The following NUP210 variants were observed in gnomAD, a reference collection of about 807,000 sequenced individuals.
NUP210 encodes the protein nucleoporin 210.
NUP210 carries 151 observed loss-of-function variants against 196.0 expected under a neutral mutation model. The ratio of observed to expected loss-of-function variants is 0.77; its 90% CI spans 0.67 to 0.88. The LOEUF (loss-of-function observed/expected upper bound fraction) is 0.88. NUP210 is among the 40% of genes least tolerant of loss of function. NUP210 has a pLI of 0.00. For missense variants in NUP210, 2,314 were observed against 2,493.7 expected, an observed-to-expected ratio of 0.93 and a Z score of 1.53; for synonymous variants, 1,070 against 1,052.7, an observed-to-expected ratio of 1.02 and a Z score of -0.32.
intron 4 of NUP210, among the ~76,000 whole-genome samples, chr3:13,390,151 A>G (rs970813425): frequency 6.6e-6 from 1 of 152,186 alleles, no homozygotes; most frequent in Non-Finnish European, 1.5e-5. Context: ...TCCTAGTGCC[A>G]TGACTGCATG....
At chr3:13,389,349 G>T (rs573355158) in intron 4 of NUP210, among the ~76,000 whole-genome samples, 19 of 152,340 alleles carry the variant, frequency 1.2e-4, no homozygotes, top group African/African-American at 4.6e-4. Context: ...CATCCAGCGT[G>T]TGCCAGGCCC....
rs1298359918 is a variant in NUP210, at chr3:13,340,288, G to A, written c.3239C>T (p.Pro1080Leu). The A allele has an allele frequency of 6.2e-6, 10 of 1,613,258 alleles. No homozygotes were observed. Among genetic ancestry groups the A allele is most frequent in the Middle Eastern group, 1.6e-4 (1 of 6,084 alleles). Reference protein sequence around the residue: ...SAPQQIEVFPPFRLMPRKVTL... With the variant: ...SAPQQIEVFPLFRLMPRKVTL... ...CACCTTCCTGGGCATCAGCCTGAAC[G>A]GGGGAAAGACCTGTTGAGAGACACA... The change falls in exon 24 of 40, where the codon CCG (proline) becomes CTG (leucine). Residue 1080 changes from proline to leucine, a missense_variant. By Grantham distance (98) the Pro-to-Leu change is moderately conservative. Coordinates refer to ENST00000254508, the MANE Select transcript of NUP210 (RefSeq NM_024923.4). This position sits in a 1 kb window ranked among gnomAD's most constrained non-coding sequence, Gnocchi z 4.0.
intron 20 of NUP210, 39 bp from the exon 21 acceptor site, chr3:13,343,342 G>GCCC: frequency 3.0e-6 from 2 of 655,988 alleles, no homozygotes; most frequent in Non-Finnish European, 5.0e-6. Flanking sequence ...TGGGTGGTGG[G>GCCC]TTACGCAGCT....
At chr3:13,321,871 C>A (rs1166634610) in intron 35 of NUP210, 36 bp from the exon 36 acceptor site, 9 of 1,590,100 alleles carry the variant, frequency 5.7e-6, no homozygotes, top group Non-Finnish European at 7.7e-6. Flanking sequence ...TGTCCCCTCT[C>A]CTGCCCGTGC....
In NUP210 at chr3:13,348,708, C is replaced by A; in HGVS notation, c.2835+3171G>T. The A allele has an allele frequency of 1.0e-6, 1 of 985,386 alleles. No individual in the cohort carries two copies. The highest frequency in any genetic ancestry group is 1.2e-6 in the Non-Finnish European group (1 of 829,926). 61.0% of individuals were successfully genotyped at this position (985,386 alleles called of 1,614,324 possible). On this transcript the variant is annotated intron_variant, in intron 20 of 39. Transcript: ENST00000254508. The surrounding 1 kb of genome is among the most constrained non-coding windows in gnomAD (Gnocchi z 4.0). ...CAGTGTCCTCCAACCACAAGCATGTCCCCAGCTGCTGAGGGCGTCCTGCCA... is the reference window on the plus strand; with the variant it reads ...CAGTGTCCTCCAACCACAAGCATGTACCCAGCTGCTGAGGGCGTCCTGCCA...
chr3:13,384,023 C>T lies in NUP210; in HGVS notation c.817+2252G>A, dbSNP rs894683599. Among the ~76,000 whole-genome samples the T allele has an allele frequency of 5.3e-5, 8 of 152,134 alleles. No homozygotes were observed. In the East Asian group the frequency reaches 7.7e-4, roughly 15 times the overall value. On this transcript the variant is annotated intron_variant, in intron 6 of 39. Coordinates refer to ENST00000254508, the MANE Select transcript of NUP210 (RefSeq NM_024923.4). ...TGTCACCCAGGCTGGAGTGCAATGG[C>T]GCAATCTCGGCTCACTGCAACCTCC...
At chr3:13,419,917 G>T (rs1218629862) in intron 1 of NUP210, 143 bp downstream of exon 1, 3 of 368,916 alleles carry the variant, frequency 8.1e-6, no homozygotes, top group Non-Finnish European at 7.8e-6. Context: ...CGCACCCGCC[G>T]CTCCGAGTGC....
In NUP210 at chr3:13,320,022, G is replaced by C. The variant is rs545892408; in HGVS notation, c.5167-43C>G. 23 of 1,573,842 alleles carry C rather than the reference G, an allele frequency of 1.5e-5. No homozygotes were observed. The South Asian group carries it at 2.2e-4, about 15-fold the overall frequency. ...GCTGGGGGTGCACATTCTGCAGAGT[G>C]GGGGGACCACTGAGCGGGGCCTCAG... On this transcript the variant is annotated intron_variant, in intron 36 of 39. Coordinates refer to ENST00000254508, the MANE Select transcript of NUP210 (RefSeq NM_024923.4).
At chr3:13,365,269 T>C (rs935257093) in intron 14 of NUP210, among the ~76,000 whole-genome samples, 1 of 152,158 alleles carries the variant, frequency 6.6e-6, no homozygotes, top group Non-Finnish European at 1.5e-5. Flanking sequence ...GCTCATTCCA[T>C]TTGTGAGCTC....
rs1231875637 is a variant in NUP210 at position 13,337,755 on chromosome 3, G to A, written c.3552+82C>T. The stretch of plus-strand genomic sequence containing the variant: ...CCCGGGCCAGGCAGATGGAGGAGGT[G>A]GAGAAGCACTCTAACTTGAGGACAG... On this transcript the variant is annotated intron_variant, in intron 26 of 39. Transcript: ENST00000254508. The A allele has an allele frequency of 1.2e-5, 15 of 1,297,520 alleles. No homozygotes were observed. The Admixed American group carries it at 2.4e-4, about 21-fold the overall frequency. 80.4% of individuals were successfully genotyped at this position (1,297,520 alleles called of 1,614,324 possible).
chr3:13,383,636 T>C (rs1699174297), intron 6 of NUP210, among the ~76,000 whole-genome samples: 2 of 149,734 alleles, frequency 1.3e-5, no homozygotes, highest in South Asian at 4.3e-4. Context: ...GCAATTCTCC[T>C]GCCTCAGCCT....
intron 13 of NUP210, among the ~76,000 whole-genome samples, chr3:13,370,612 C>G (rs1236355366): frequency 6.6e-6 from 1 of 152,228 alleles, no homozygotes; most frequent in Non-Finnish European, 1.5e-5. Context: ...GCGGGCCTCT[C>G]CCACGTGCAA....
At chr3:13,321,486 G>A (rs901961552) in intron 36 of NUP210, 99 bp downstream of exon 36, 11 of 1,300,512 alleles carry the variant, frequency 8.5e-6, no homozygotes, top group Non-Finnish European at 1.1e-5. Flanking sequence ...ATTTTAAAGA[G>A]AGCTGGCCCA....
chr3:13,404,605 G>A (rs1484491098), intron 1 of NUP210, among the ~76,000 whole-genome samples: 1 of 152,222 alleles, frequency 6.6e-6, no homozygotes, highest in Non-Finnish European at 1.5e-5. Context: ...AAACGGGACT[G>A]GTTTAAGGCC....
At chr3:13,374,160 T>G (rs1011421999) in intron 11 of NUP210, among the ~76,000 whole-genome samples, 1 of 151,960 alleles carries the variant, frequency 6.6e-6, no homozygotes, top group Non-Finnish European at 1.5e-5. Context: ...ACTCTCATGC[T>G]CACATGCTCA....
In NUP210 at chr3:13,348,706, G is replaced by A. The variant is rs1377325365; in HGVS notation, c.2835+3173C>T. 2.0e-6 allele frequency: 2 copies of A among 985,246 alleles called. No individual in the cohort carries two copies. The highest frequency in any genetic ancestry group is 1.2e-6 in the Non-Finnish European group (1 of 829,930). 61.0% of individuals were successfully genotyped at this position (985,246 alleles called of 1,614,324 possible). A position where few individuals can be genotyped will look rare whatever the true frequency, so the allele number is the denominator to read the frequency against. On this transcript the variant is annotated intron_variant, in intron 20 of 39. Transcript: ENST00000254508. The surrounding 1 kb of genome is among the most constrained non-coding windows in gnomAD (Gnocchi z 4.0). ...TCCAGTGTCCTCCAACCACAAGCATGTCCCCAGCTGCTGAGGGCGTCCTGC... is the reference window on the plus strand; with the variant it reads ...TCCAGTGTCCTCCAACCACAAGCATATCCCCAGCTGCTGAGGGCGTCCTGC...
chr3:13,418,941 T>C lies in NUP210; in HGVS notation c.167+1119A>G, dbSNP rs1369862391. 3.3e-4 allele frequency among the ~76,000 whole-genome samples: 20 copies of C among 59,950 alleles called. No individual in the cohort carries two copies. The South Asian group carries it at 0.013, about 38-fold the overall frequency. 39.3% of individuals were successfully genotyped at this position (59,950 alleles called of 152,430 possible). On this transcript the variant is annotated intron_variant, in intron 1 of 39. Transcript: ENST00000254508. The stretch of plus-strand genomic sequence containing the variant: ...GTCAGCATGGACGACAAAGCAAAAC[T>C]CCGTCTCAAAAAAAAAAAAAAAAAA...
intron 33 of NUP210, among the ~76,000 whole-genome samples, chr3:13,325,537 G>A (rs1209922020): frequency 6.6e-6 from 1 of 152,108 alleles, no homozygotes; most frequent in African/African-American, 2.4e-5. Context: ...CCAAGCCCAT[G>A]GGAGCTGGAA....
chr3:13,344,944 G>C lies in NUP210; in HGVS notation c.2836-1641C>G, dbSNP rs1029873282. 1.5e-5 allele frequency: 15 copies of C among 985,298 alleles called. No homozygotes were observed. In the African/African-American group the frequency reaches 2.4e-4, roughly 16 times the overall value. 61.0% of individuals were successfully genotyped at this position (985,298 alleles called of 1,614,324 possible). On this transcript the variant is annotated intron_variant, in intron 20 of 39. Transcript: ENST00000254508. Reference sequence around the variant, plus strand: ...TCCTGCATCCACGTCAGCTCCTCCAGCACCTCTTCTCCCCTCTTCTGGGGG... The same window carrying C: ...TCCTGCATCCACGTCAGCTCCTCCACCACCTCTTCTCCCCTCTTCTGGGGG...
Sources: gnomAD v4.1 joint callset for allele counts (sites outside exome capture counted in the v4.1 genomes callset) on GRCh38, gnomAD v4.1.1 for gene constraint, Gnocchi (gnomAD v3.1) non-coding constraint, MANE v1.5 for transcripts, NCBI Gene and HGNC (gene_info 2026-07-23, HGNC 2026-07-21) for gene names.